ANO9: variants seen among roughly 807,000 people sequenced by gnomAD.
ANO9 encodes the protein anoctamin-9.
A neutral mutation model predicts 100.5 loss-of-function variants in ANO9; 80 were observed. That is an observed-to-expected ratio of 0.80 (90% CI 0.66 to 0.96). ANO9 has a LOEUF of 0.96. Among genes scored for constraint, ANO9 ranks in the 40% least tolerant of loss-of-function variants. ANO9 has a pLI of 0.00. For synonymous variants in ANO9, 473 were observed against 435.6 expected, an observed-to-expected ratio of 1.09 and a Z score of -1.07; for missense variants, 1,064 against 1,072.7, an observed-to-expected ratio of 0.99 and a Z score of 0.11.
At chr11:424,287 C>A (rs1284538222) in intron 15 of ANO9, among the ~76,000 whole-genome samples, 2 of 152,238 alleles carry the variant, frequency 1.3e-5, no homozygotes, top group Admixed American at 6.5e-5. Flanking sequence ...TCTAGTGTAA[C>A]ATGAGAAACC....
chr11:433,771 C>G, intron 3 of ANO9, 44 bp downstream of exon 3: 1 of 1,531,658 alleles, frequency 6.5e-7, no homozygotes, highest in East Asian at 2.4e-5. Flanking sequence ...GCTGGACACC[C>G]GCCCCGGCCC....
chr11:419,351 C>G, intron 20 of ANO9: 1 of 1,415,396 alleles, frequency 7.1e-7, no homozygotes, highest in Non-Finnish European at 9.2e-7. Flanking sequence ...GCAGCCAGGT[C>G]TGGGAACTTC....
intron 3 of ANO9, 109 bp from the exon 4 acceptor site, chr11:433,568 G>GCCTCAGAACCCTCCCCCCTCTATTCCA: frequency 6.8e-7 from 1 of 1,473,426 alleles, no homozygotes; most frequent in Admixed American, 2.4e-5. Flanking sequence ...CCTCTATTCC[G>GCCTCAGAACCCTCCCCCCTCTATTCCA]CCTCAGAACC....
In ANO9 at chr11:419,373, C is replaced by T. The variant is rs370735520; in HGVS notation, c.1934+209G>A. 53 of 1,415,418 alleles carry T rather than the reference C, an allele frequency of 3.7e-5. No individual in the cohort carries two copies. In the South Asian group the frequency reaches 6.0e-4, roughly 16 times the overall value. The allele number at this position is 1,415,418 out of a possible 1,614,324, so 87.7% of individuals were successfully genotyped here. ...GGTCTGGGAACTTCACCCCCAACTG[C>T]GGTCCTGGCCAGTTATCCCTGACCT... On this transcript the variant is annotated intron_variant, in intron 20 of 22. Coordinates refer to ENST00000332826, the MANE Select transcript of ANO9 (RefSeq NM_001012302.3).
rs1254014927 is a variant in ANO9 at position 429,353 on chromosome 11, G to A, written c.915+217C>T. The A allele has an allele frequency of 3.2e-5, 36 of 1,129,508 alleles. 1 individual carries two copies. The highest frequency in any genetic ancestry group is 3.0e-4 in the Middle Eastern group (1 of 3,372). 70.0% of individuals were successfully genotyped at this position (1,129,508 alleles called of 1,614,324 possible). ...AGACAGACACAGCGACACGCCTCAC[G>A]GGTGGACAGACACGGGACACTCACC... On this transcript the variant is annotated intron_variant, in intron 11 of 22. Coordinates refer to ENST00000332826, the MANE Select transcript of ANO9 (RefSeq NM_001012302.3).
rs1312225651 is a variant in ANO9 at position 421,174 on chromosome 11, G to A, written c.1359C>T (p.Ser453=). ...LGRINGHPGK[S]TRLAGLWKLE... ...GCTTCCACAAGCCCGCCAGGCGCGTGGACTTCCCGGGGTGGCCGTTGATCC... is the reference window on the plus strand; with the variant it reads ...GCTTCCACAAGCCCGCCAGGCGCGTAGACTTCCCGGGGTGGCCGTTGATCC... The change falls in exon 16 of 23, where the codon TCC becomes TCT. Residue 453 remains serine (S), a synonymous_variant. Coordinates refer to ENST00000332826, the MANE Select transcript of ANO9 (RefSeq NM_001012302.3). The surrounding 1 kb of genome is among the most constrained non-coding windows in gnomAD (Gnocchi z 6.8). 6.4e-7 allele frequency: 1 copy of A among 1,562,348 alleles called. No individual in the cohort carries two copies. Among genetic ancestry groups the A allele is most frequent in the East Asian group, 2.3e-5 (1 of 43,914 alleles).
chr11:433,836 C>G lies in ANO9; in HGVS notation c.183G>C (p.Arg61Ser). 6.4e-7 allele frequency: 1 copy of G among 1,562,666 alleles called. No homozygotes were observed. The highest frequency in any genetic ancestry group is 8.7e-7 in the Non-Finnish European group (1 of 1,153,840). Residue 61 changes from arginine (R) to serine (S), a missense_variant, in exon 3 of 23, where the codon AGG becomes AGC. Transcript: ENST00000332826. ...ARQQQFLEEL[R>S]RKGFHIKVIR... is the part of the protein sequence containing the mutation. ...CCACCTTAATGTGGAAGCCCTTTCT[C>G]CTGAGCTCCTCCAGGAACTGTTGCT... is the stretch of plus-strand genomic sequence containing the variant.
intron 17 of ANO9, 33 bp from the exon 18 acceptor site, chr11:420,893 AG>A: frequency 1.3e-6 from 2 of 1,585,180 alleles, no homozygotes. Context: ...GGGAGGGCGC[AG>A]GGGGCGGAGG....
Position 434,244 on chromosome 11 carries a change from G to A in ANO9, c.7-146C>T, listed in dbSNP as rs374892915. 5.2e-5 allele frequency: 52 copies of A among 992,742 alleles called. No individual in the cohort carries two copies. In the East Asian group the frequency reaches 1.1e-3, roughly 21 times the overall value. 61.5% of individuals were successfully genotyped at this position (992,742 alleles called of 1,614,324 possible). Reference sequence around the variant, plus strand: ...AGCAAAGAGTCCCGAGGAGATGGCTGTAGGCGGGTGACAGGCCAGAGGGCC... The same window carrying A: ...AGCAAAGAGTCCCGAGGAGATGGCTATAGGCGGGTGACAGGCCAGAGGGCC... On this transcript the variant is annotated intron_variant, in intron 1 of 22. Transcript: ENST00000332826.
At chr11:418,675 G>C in intron 22 of ANO9, 45 bp downstream of exon 22, 1 of 1,611,618 alleles carries the variant, frequency 6.2e-7, no homozygotes, top group Non-Finnish European at 8.5e-7. Context: ...ACTGGGGAGA[G>C]CACTGCCCAG....
At chr11:439,895 CCA>C (rs2133724263) in intron 1 of ANO9, among the ~76,000 whole-genome samples, 1 of 152,342 alleles carries the variant, frequency 6.6e-6, no homozygotes, top group East Asian at 1.9e-4. Context: ...CCGTCCATCC[CCA>C]GACACTGACG....
rs949768679 is a variant in ANO9, at chr11:421,369, C to T, written c.1335-171G>A. Reference sequence around the variant, plus strand: ...GATGAACCGCACCCGCACGTGGGCACGCACACACACACACACACACACAGG... The same window carrying T: ...GATGAACCGCACCCGCACGTGGGCATGCACACACACACACACACACACAGG... On this transcript the variant is annotated intron_variant, in intron 15 of 22. Transcript: ENST00000332826. The surrounding 1 kb of genome is among the most constrained non-coding windows in gnomAD (Gnocchi z 6.8). 10 of 599,928 alleles carry T rather than the reference C, an allele frequency of 1.7e-5. No individual in the cohort carries two copies. Among genetic ancestry groups the T allele is most frequent in the Admixed American group, 3.4e-5 (1 of 29,102 alleles). 37.2% of individuals were successfully genotyped at this position (599,928 alleles called of 1,614,324 possible).
intron 15 of ANO9, among the ~76,000 whole-genome samples, chr11:426,317 C>T (rs1262495893): frequency 6.6e-6 from 1 of 152,010 alleles, no homozygotes; most frequent in Non-Finnish European, 1.5e-5. Flanking sequence ...CACCTGTTAT[C>T]CCGTAGCACG....
intron 1 of ANO9, among the ~76,000 whole-genome samples, chr11:438,208 G>A (rs1322448690): frequency 2.6e-5 from 4 of 152,008 alleles, no homozygotes. Context: ...TGGGCTGACA[G>A]GGAGCCCTCC....
Position 429,586 on chromosome 11 carries a change from A to C in ANO9, c.899T>G (p.Val300Gly), listed in dbSNP as rs1173267436. 6.2e-7 allele frequency: 1 copy of C among 1,612,432 alleles called. No individual in the cohort carries two copies. Among genetic ancestry groups the C allele is most frequent in the East Asian group, 2.2e-5 (1 of 44,876 alleles). ...ARVVLHWDLYVWDEEQEEMAL... is the reference protein window; with the variant it reads ...ARVVLHWDLYGWDEEQEEMAL... Reference sequence around the variant, plus strand: ...CCACCTCACCTGTTCCTCGTCCCACACGTACAGGTCCCAGTGCAGGACCAC... The same window carrying C: ...CCACCTCACCTGTTCCTCGTCCCACCCGTACAGGTCCCAGTGCAGGACCAC... The change falls in exon 11 of 23, where the codon GTG becomes GGG. Residue 300 changes from valine (V) to glycine (G), a missense_variant. Val to Gly is a moderately radical substitution (Grantham distance 109, BLOSUM62 -3). Transcript: ENST00000332826.
intron 1 of ANO9, among the ~76,000 whole-genome samples, chr11:441,539 A>T (rs1305374101): frequency 6.6e-6 from 1 of 152,000 alleles, no homozygotes; most frequent in Non-Finnish European, 1.5e-5. Context: ...TGCAAGGCAA[A>T]GCTGCCAGGT....
At chr11:438,237 C>A (rs1022114129) in intron 1 of ANO9, among the ~76,000 whole-genome samples, 3 of 151,894 alleles carry the variant, frequency 2.0e-5, no homozygotes, top group Non-Finnish European at 4.4e-5. Context: ...CAGAGCTACA[C>A]GCACACCTGG....
intron 4 of ANO9, 200 bp downstream of exon 4, chr11:433,114 C>A (rs1278006881): frequency 2.3e-5 from 15 of 665,626 alleles, no homozygotes; most frequent in Admixed American, 3.4e-5. Context: ...CGTTGAGAAC[C>A]ACCGTGATCC....
Position 431,713 on chromosome 11 carries a change from G to T in ANO9, c.520C>A (p.Gln174Lys). 6 of 1,612,544 alleles carry T rather than the reference G, an allele frequency of 3.7e-6. No homozygotes were observed. The highest frequency in any genetic ancestry group is 4.2e-6 in the Non-Finnish European group (5 of 1,179,530). The change falls in exon 7 of 23, where the codon CAG becomes AAG. Residue 174 changes from glutamine to lysine, a missense_variant. By Grantham distance (53) the Gln-to-Lys change is moderately conservative (BLOSUM62 1). Transcript: ENST00000332826. ...WARWRHMFRE[Q>K]PVDEIRNYFG... The stretch of plus-strand genomic sequence containing the variant: ...CGTTACCTGATTTCATCAACTGGCT[G>T]CTCCCGGAACATGTGTCTCCACCGC...
Sources: gnomAD v4.1 joint callset for allele counts (sites outside exome capture counted in the v4.1 genomes callset) on GRCh38, gnomAD v4.1.1 for gene constraint, Gnocchi (gnomAD v3.1) non-coding constraint, MANE v1.5 for transcripts, NCBI Gene and HGNC (gene_info 2026-07-23, HGNC 2026-07-21) for gene names.